The following NUCB1 variants were observed in gnomAD, a reference collection of about 807,000 sequenced individuals.
NUCB1 encodes the protein nucleobindin 1, also known as nucleobindin-1.
NUCB1 carries 47 observed loss-of-function variants against 61.2 expected under a neutral mutation model. The observed-to-expected ratio is 0.77, with a 90% CI of 0.61 to 0.98. The LOEUF is 0.98. Among genes scored for constraint, NUCB1 ranks in the 50% least tolerant of loss-of-function variants. The probability of loss-of-function intolerance (pLI) is 0.00; values close to 1 mark genes in which losing one functional copy is unlikely to be tolerated. For synonymous variants in NUCB1, 234 were observed against 243.1 expected (o/e 0.96, Z 0.35); for missense variants, 583 against 605.3 (o/e 0.96, Z 0.39).
At chr19:48,913,272 C>CT (rs1208457535) in intron 6 of NUCB1, 76 bp downstream of exon 6, 18 of 1,452,824 alleles carry the variant, frequency 1.2e-5, no homozygotes, top group Non-Finnish European at 1.7e-5. Flanking sequence ...AGTTAAAGAA[C>CT]TACAATTCCC....
At chr19:48,905,920 A>AGGGGGGGGGAACTGGCTGGGT in intron 4 of NUCB1, 35 bp downstream of exon 4, 2 of 473,422 alleles carry the variant, frequency 4.2e-6, no homozygotes, top group Non-Finnish European at 3.9e-6. Flanking sequence ...ACAGGCAGGG[A>AGGGGGGGGGAACTGGCTGGGT]GGGGTGGGGA....
In NUCB1 at chr19:48,922,415, G is replaced by A; in HGVS notation, c.1377G>A (p.Gln459=). The change falls in exon 13 of 13, where the codon CAG becomes CAA. Residue 459 remains glutamine (Q), a synonymous_variant. Transcript: ENST00000405315. The part of the protein sequence containing the change: ...LERLPEVEVP[Q]HL ...GGCTCCCTGAGGTTGAGGTGCCCCA[G>A]CATCTGTGATCCTCCGGGACCCCAG... is the stretch of plus-strand genomic sequence containing the variant. 6.2e-7 allele frequency: 1 copy of A among 1,613,286 alleles called. No homozygotes were observed. The highest frequency in any genetic ancestry group is 8.5e-7 in the Non-Finnish European group (1 of 1,179,340).
intron 7 of NUCB1, among the ~76,000 whole-genome samples, chr19:48,915,921 C>A (rs1323650854): frequency 6.6e-6 from 1 of 152,014 alleles, no homozygotes; most frequent in Non-Finnish European, 1.5e-5. Flanking sequence ...GTAGCTGAGA[C>A]TGCAGGTGTG....
chr19:48,904,271 G>A, intron 2 of NUCB1, 76 bp from the exon 3 acceptor site: 5 of 943,386 alleles, frequency 5.3e-6, no homozygotes, highest in Non-Finnish European at 6.9e-6. Flanking sequence ...CAGGGAGCAG[G>A]CCATAGCAGT....
At chr19:48,914,136 C>T (rs1188278345) in intron 7 of NUCB1, among the ~76,000 whole-genome samples, 3 of 151,794 alleles carry the variant, frequency 2.0e-5, no homozygotes, top group Non-Finnish European at 4.4e-5. Context: ...CCACCATGCC[C>T]GGCTAACTTT....
intron 7 of NUCB1, among the ~76,000 whole-genome samples, chr19:48,916,901 C>G (rs143657583): frequency 0.013 from 1,947 of 151,388 alleles, 15 homozygotes; most frequent in Non-Finnish European, 0.019. Context: ...GGCAACAGAG[C>G]GAGACTCTGT....
intron 7 of NUCB1, among the ~76,000 whole-genome samples, chr19:48,917,603 TCTC>T (rs1355519834): frequency 5.9e-5 from 9 of 152,292 alleles, no homozygotes; most frequent in African/African-American, 1.9e-4. Context: ...TTCAAGCTAT[TCTC>T]CTGCCTCAGC....
chr19:48,911,400 CTTTTCTTTTTT>C, intron 5 of NUCB1, 148 bp downstream of exon 5: 1 of 397,158 alleles, frequency 2.5e-6, no homozygotes. Flanking sequence ...CGTTTCTTTT[CTTTTCTTTTTT>C]TTTTTTTTTT....
intron 5 of NUCB1, among the ~76,000 whole-genome samples, chr19:48,911,703 G>A (rs1488952651): frequency 6.6e-6 from 1 of 151,924 alleles, no homozygotes; most frequent in African/African-American, 2.4e-5. Context: ...ACCGCACCCA[G>A]CTCTTCTTAT....
At chr19:48,918,640 C>A in intron 7 of NUCB1, 86 bp from the exon 8 acceptor site, 1 of 1,075,434 alleles carries the variant, frequency 9.3e-7, no homozygotes, top group East Asian at 2.3e-5. Flanking sequence ...TAACAGACCC[C>A]ACATCAGCCC....
Position 48,921,952 on chromosome 19 carries a change from G to A in NUCB1, c.1279+20G>A, listed in dbSNP as rs899944777. The A allele has an allele frequency of 1.3e-6, 2 of 1,557,144 alleles. No individual in the cohort carries two copies. The highest frequency in any genetic ancestry group is 1.7e-6 in the Non-Finnish European group (2 of 1,146,156). On this transcript the variant is annotated intron_variant, in intron 12 of 12. Coordinates refer to ENST00000405315, the MANE Select transcript of NUCB1 (RefSeq NM_006184.6). ...ACACAGGTGCTGGCCCTAGTCCAGG[G>A]AGGAGGGGCTGCAGGGCTGGACCCC...
At chr19:48,910,922 C>G (rs888074896) in intron 4 of NUCB1, 6 of 438,362 alleles carry the variant, frequency 1.4e-5, no homozygotes, top group Non-Finnish European at 2.1e-5. Context: ...GGCCTGGCAT[C>G]TAGTAAGTAG....
chr19:48,918,878 C>T, intron 8 of NUCB1, 94 bp downstream of exon 8: 2 of 1,366,878 alleles, frequency 1.5e-6, no homozygotes, highest in Non-Finnish European at 1.0e-6. Context: ...TGGATGGGAG[C>T]TCAGTGAAAA....
intron 4 of NUCB1, among the ~76,000 whole-genome samples, chr19:48,908,721 GGTGTGTGTGTGTGTGT>G (rs57686025): frequency 5.5e-4 from 60 of 109,366 alleles, no homozygotes; most frequent in African/African-American, 1.9e-3. Flanking sequence ...TTGACCAAGG[GGTGTGTGTGTGTGTGT>G]GTGTGTGTGT....
chr19:48,917,499 T>A (rs77010049), intron 7 of NUCB1, among the ~76,000 whole-genome samples: 21 of 37,164 alleles, frequency 5.7e-4, no homozygotes, highest in Non-Finnish European at 2.6e-3. Context: ...AATTTTTAAA[T>A]TTTTTTTTTC....
At position 48,913,617 on chromosome 19, in the gene NUCB1, T is replaced by C. The variant is rs2037505048; in HGVS notation, c.757+53T>C. 2.1e-6 allele frequency: 3 copies of C among 1,442,942 alleles called. No individual in the cohort carries two copies. In the African/African-American group the frequency reaches 4.2e-5, roughly 20 times the overall value. 89.4% of individuals were successfully genotyped at this position (1,442,942 alleles called of 1,614,324 possible). Reference sequence around the variant, plus strand: ...AGGATGAACCCTAGATTCTGACCCTTCTAGGACCTGAATGCTAAGAGGGGT... The same window carrying C: ...AGGATGAACCCTAGATTCTGACCCTCCTAGGACCTGAATGCTAAGAGGGGT... On this transcript the variant is annotated intron_variant, in intron 7 of 12. Coordinates refer to ENST00000405315, the MANE Select transcript of NUCB1 (RefSeq NM_006184.6).
At chr19:48,916,034 C>T (rs927091226) in intron 7 of NUCB1, among the ~76,000 whole-genome samples, 1 of 152,166 alleles carries the variant, frequency 6.6e-6, no homozygotes, top group African/African-American at 2.4e-5. Flanking sequence ...TCATCTCGCA[C>T]AACCGAAACC....
chr19:48,905,810 G>T lies in NUCB1; in HGVS notation c.301G>T (p.Asp101Tyr), dbSNP rs150499093. ...FVSHHVRTKL[D>Y]ELKRQEVSRL... is the part of the protein sequence containing the mutation. ...CAGCCACCACGTCCGCACCAAGCTGGATGAGCTCAAGCGACAGGAGGTGTC... is the reference window on the plus strand; with the variant it reads ...CAGCCACCACGTCCGCACCAAGCTGTATGAGCTCAAGCGACAGGAGGTGTC... The change falls in exon 4 of 13, where the codon GAT becomes TAT. Residue 101 changes from aspartate (D) to tyrosine (Y), a missense_variant. By Grantham distance (160) the Asp-to-Tyr change is radical. Transcript: ENST00000405315. 119 of 1,596,904 alleles carry T rather than the reference G, an allele frequency of 7.5e-5. No individual in the cohort carries two copies. Among genetic ancestry groups the T allele is most frequent in the Non-Finnish European group, 9.7e-5 (113 of 1,168,806 alleles).
chr19:48,922,389 C>G lies in NUCB1; in HGVS notation c.1351C>G (p.Arg451Gly). The change falls in exon 13 of 13, where the codon CGG becomes GGG. Residue 451 changes from arginine to glycine, a missense_variant. By Grantham distance (125) the Arg-to-Gly change is moderately radical. Transcript: ENST00000405315. ...CACTTCAGAAAAGAAACTTCTCGAG[C>G]GGCTCCCTGAGGTTGAGGTGCCCCA... ...VDTSEKKLLE[R>G]LPEVEVPQHL The G allele has an allele frequency of 6.2e-7, 1 of 1,613,756 alleles. No homozygotes were observed. The highest frequency in any genetic ancestry group is 2.2e-5 in the East Asian group (1 of 44,876).
Sources: gnomAD v4.1 joint callset for allele counts (sites outside exome capture counted in the v4.1 genomes callset) on GRCh38, gnomAD v4.1.1 for gene constraint, MANE v1.5 for transcripts, NCBI Gene and HGNC (gene_info 2026-07-23, HGNC 2026-07-21) for gene names.